Variants in CSRNP3 observed in about 807,000 individuals in gnomAD.
CSRNP3 encodes the protein cysteine/serine-rich nuclear protein 3.
Under a neutral mutation model 48.0 loss-of-function variants are expected in CSRNP3, and 12 were observed. That is an observed-to-expected ratio of 0.25 (90% confidence interval 0.16 to 0.41). The LOEUF (loss-of-function observed/expected upper bound fraction) is 0.41. CSRNP3 is among the 10% of genes least tolerant of loss of function. CSRNP3 has a pLI of 1.00. For missense variants in CSRNP3, 580 were observed against 724.4 expected, an observed-to-expected ratio of 0.80 and a Z score of 2.29; for synonymous variants, 263 against 269.7, an observed-to-expected ratio of 0.98 and a Z score of 0.24.
chr2:165,480,170 G>T (rs1055264962), intron 1 of CSRNP3, among the ~76,000 whole-genome samples: 1 of 152,170 alleles, frequency 6.6e-6, no homozygotes, highest in African/African-American at 2.4e-5. Flanking sequence ...CAGCCACAGA[G>T]AATCTCTCTC....
At chr2:165,561,653 C>T (rs994268203) in intron 3 of CSRNP3, among the ~76,000 whole-genome samples, 3 of 152,128 alleles carry the variant, frequency 2.0e-5, no homozygotes, top group African/African-American at 4.8e-5. Context: ...ATACAGTCCA[C>T]ATTGTAATTT....
chr2:165,581,054 G>GT (rs1369248350), intron 3 of CSRNP3, among the ~76,000 whole-genome samples: 2 of 152,162 alleles, frequency 1.3e-5, no homozygotes, highest in African/African-American at 4.8e-5. Context: ...TTTAAAAGCC[G>GT]TATCGTGTTC....
intron 4 of CSRNP3, among the ~76,000 whole-genome samples, chr2:165,656,938 G>T (rs188022191): frequency 7.2e-4 from 109 of 152,242 alleles, no homozygotes; most frequent in African/African-American, 2.6e-3. Flanking sequence ...GTTGTCCCTG[G>T]TTATCTGCAG....
intron 3 of CSRNP3, among the ~76,000 whole-genome samples, chr2:165,545,113 C>T (rs1415200581): frequency 6.6e-6 from 1 of 152,132 alleles, no homozygotes; most frequent in African/African-American, 2.4e-5. Context: ...TTGACCATTG[C>T]ATTCAACACC....
chr2:165,533,049 G>A (rs1684836071), intron 3 of CSRNP3, among the ~76,000 whole-genome samples: 1 of 152,130 alleles, frequency 6.6e-6, no homozygotes, highest in East Asian at 1.9e-4. Flanking sequence ...TTCAAGGCAG[G>A]ATAATATGGT....
chr2:165,639,246 C>T (rs1686686284), intron 4 of CSRNP3, among the ~76,000 whole-genome samples: 1 of 152,128 alleles, frequency 6.6e-6, no homozygotes, highest in South Asian at 2.1e-4. Context: ...TAATGTGGCA[C>T]TAAGCACCAT....
intron 4 of CSRNP3, among the ~76,000 whole-genome samples, chr2:165,609,783 G>A (rs1195626734): frequency 3.3e-5 from 5 of 152,146 alleles, no homozygotes; most frequent in African/African-American, 1.2e-4. Context: ...ACAGTTATGC[G>A]TTTGGAAGAG....
intron 4 of CSRNP3, among the ~76,000 whole-genome samples, chr2:165,643,513 G>A (rs184867662): frequency 2.0e-5 from 3 of 152,276 alleles, no homozygotes; most frequent in African/African-American, 7.2e-5. Context: ...ACAGAAACAT[G>A]ATGCTCTTGC....
intron 2 of CSRNP3, among the ~76,000 whole-genome samples, chr2:165,511,172 A>G (rs918561904): frequency 1.3e-5 from 2 of 152,208 alleles, no homozygotes; most frequent in African/African-American, 4.8e-5. Context: ...GCTGACCTCG[A>G]TAAGTGTTAT....
In CSRNP3 at chr2:165,595,147, G is replaced by C; in HGVS notation, c.82G>C (p.Val28Leu). 2 of 1,614,166 alleles carry C rather than the reference G, an allele frequency of 1.2e-6. No individual in the cohort carries two copies. The highest frequency in any genetic ancestry group is 1.7e-6 in the Non-Finnish European group (2 of 1,180,010). ...CSSVRESDDE[V>L]SSSESADSGD... is the part of the protein sequence containing the mutation. The stretch of plus-strand genomic sequence containing the variant: ...CTCTGTGAGGGAATCAGATGATGAA[G>C]TTTCCAGCAGTGAAAGTGCTGACAG... Residue 28 changes from valine (V) to leucine (L), a missense_variant, in exon 4 of 7, where the codon GTT becomes CTT. Physicochemically the swap from Val to Leu is conservative, Grantham distance 32 (BLOSUM62 1). Around this residue, in one of 4 missense-constraint regions of CSRNP3, gnomAD observed 83 missense variants for 139.6 expected, o/e 0.59. Coordinates refer to ENST00000651982, the MANE Select transcript of CSRNP3 (RefSeq NM_001172173.2).
At chr2:165,482,846 G>T (rs1291152464) in intron 1 of CSRNP3, among the ~76,000 whole-genome samples, 1 of 151,898 alleles carries the variant, frequency 6.6e-6, no homozygotes, top group Non-Finnish European at 1.5e-5. Context: ...ATATTCCCAG[G>T]ACTGTTTAAT....
intron 1 of CSRNP3, among the ~76,000 whole-genome samples, chr2:165,484,092 C>T (rs564111973): frequency 1.1e-3 from 169 of 152,038 alleles, no homozygotes; most frequent in Middle Eastern, 6.8e-3. Context: ...CAACAATTCC[C>T]ATTAGAGCTA....
At chr2:165,543,273 T>G (rs1204045010) in intron 3 of CSRNP3, among the ~76,000 whole-genome samples, 1 of 152,196 alleles carries the variant, frequency 6.6e-6, no homozygotes, top group Non-Finnish European at 1.5e-5. Flanking sequence ...AATGATATTT[T>G]AATCTAATTT....
intron 4 of CSRNP3, among the ~76,000 whole-genome samples, chr2:165,628,716 C>T (rs1686481882): frequency 6.6e-6 from 1 of 151,910 alleles, no homozygotes; most frequent in Non-Finnish European, 1.5e-5. Context: ...GAGAGCAAAA[C>T]TCTGTCTCCA....
intron 6 of CSRNP3, among the ~76,000 whole-genome samples, chr2:165,676,856 T>C (rs1687434875): frequency 6.6e-6 from 1 of 152,338 alleles, no homozygotes; most frequent in South Asian, 2.1e-4. Flanking sequence ...AAGTAGCAGC[T>C]GAGTTAATTA....
At chr2:165,629,033 C>T (rs1686487614) in intron 4 of CSRNP3, among the ~76,000 whole-genome samples, 1 of 152,182 alleles carries the variant, frequency 6.6e-6, no homozygotes, top group Non-Finnish European at 1.5e-5. Context: ...CTCCCTAAAT[C>T]TGTGGAAGAA....
intron 5 of CSRNP3, among the ~76,000 whole-genome samples, chr2:165,666,166 G>A (rs1687194692): frequency 2.1e-5 from 3 of 143,374 alleles, no homozygotes; most frequent in Admixed American, 6.9e-5. Flanking sequence ...GAAAGAGAGA[G>A]AGAGAAAGGA....
chr2:165,550,795 G>T (rs1463819745), intron 3 of CSRNP3, among the ~76,000 whole-genome samples: 2 of 152,152 alleles, frequency 1.3e-5, no homozygotes, highest in African/African-American at 2.4e-5. Flanking sequence ...TTACTGGCTA[G>T]TCCTTGGGAG....
chr2:165,638,469 A>T (rs1367447894), intron 4 of CSRNP3, among the ~76,000 whole-genome samples: 1 of 152,178 alleles, frequency 6.6e-6, no homozygotes. Flanking sequence ...CTCAAAAAAA[A>T]AAAAATCATT....
Sources: allele counts gnomAD v4.1 joint callset (sites outside exome capture counted in the v4.1 genomes callset), GRCh38; gene constraint gnomAD v4.1.1; regional missense constraint gnomAD v4.1.1; transcripts MANE v1.5; gene names NCBI Gene and HGNC (gene_info 2026-07-23, HGNC 2026-07-21).